The following CATSPERE variants were observed in gnomAD, a reference collection of about 807,000 sequenced individuals.
CATSPERE encodes the protein cation channel sperm-associated auxiliary subunit epsilon.
Under a neutral mutation model 114.1 loss-of-function variants are expected in CATSPERE, and 93 were observed. The ratio of observed to expected loss-of-function variants is 0.81; its 90% CI spans 0.69 to 0.97. The LOEUF is 0.97. Among genes scored for constraint, CATSPERE ranks in the 50% least tolerant of loss-of-function variants. The pLI is 0.00. For synonymous variants in CATSPERE, 341 were observed against 384.1 expected, an observed-to-expected ratio of 0.89 and a Z score of 1.31; for missense variants, 1,058 against 1,131.6, an observed-to-expected ratio of 0.93 and a Z score of 0.93.
chr1:244,462,275 G>A (rs970641646), intron 1 of CATSPERE, among the ~76,000 whole-genome samples: 2 of 152,092 alleles, frequency 1.3e-5, no homozygotes, highest in African/African-American at 4.8e-5. Flanking sequence ...ACACACCTAT[G>A]GGCCTCTTAG....
At chr1:244,593,724 T>C in intron 17 of CATSPERE, 146 bp downstream of exon 17, 1 of 697,048 alleles carries the variant, frequency 1.4e-6, no homozygotes, top group South Asian at 1.9e-5. Flanking sequence ...GTACTAGTTA[T>C]ACAAAGCTGG....
intron 10 of CATSPERE, among the ~76,000 whole-genome samples, chr1:244,569,013 TC>T (rs1449428916): frequency 6.6e-6 from 1 of 151,842 alleles, no homozygotes; most frequent in Non-Finnish European, 1.5e-5. Flanking sequence ...CCTGAGGGAG[TC>T]TCCTGGTCTG....
intron 12 of CATSPERE, among the ~76,000 whole-genome samples, chr1:244,582,586 G>A (rs1307766653): frequency 6.6e-6 from 1 of 151,886 alleles, no homozygotes; most frequent in Non-Finnish European, 1.5e-5. Context: ...ATTTTTAGTA[G>A]AGACATAGTT....
At chr1:244,456,158 C>T (rs1020434986) in intron 1 of CATSPERE, among the ~76,000 whole-genome samples, 5 of 137,820 alleles carry the variant, frequency 3.6e-5, no homozygotes, top group Admixed American at 1.6e-4. Flanking sequence ...CTTTGGGTTG[C>T]GTTGCAGTGA....
At chr1:244,551,807 G>GT (rs1442402789) in intron 8 of CATSPERE, among the ~76,000 whole-genome samples, 1 of 152,152 alleles carries the variant, frequency 6.6e-6, no homozygotes, top group Non-Finnish European at 1.5e-5. Context: ...GCTCACGCCT[G>GT]TAATCCCAGC....
intron 21 of CATSPERE, among the ~76,000 whole-genome samples, chr1:244,637,374 T>C (rs1159827860): frequency 1.3e-5 from 2 of 152,132 alleles, no homozygotes; most frequent in Non-Finnish European, 2.9e-5. Flanking sequence ...GCATCCAAAA[T>C]CGTGGCCTTA....
intron 9 of CATSPERE, 111 bp downstream of exon 9, chr1:244,552,925 G>C: frequency 1.9e-6 from 1 of 531,330 alleles, no homozygotes; most frequent in Non-Finnish European, 2.6e-6. Flanking sequence ...TCTTTGCCCA[G>C]TTGTTTTATC....
upstream of CATSPERE, chr1:244,451,619 G>T: frequency 4.4e-6 from 7 of 1,599,562 alleles, no homozygotes; most frequent in Non-Finnish European, 6.0e-6. The surrounding 1 kb of genome is among the most constrained non-coding windows in gnomAD (Gnocchi z 6.6). Flanking sequence ...TCCCATGAGA[G>T]GCCCCGTCGC....
chr1:244,491,055 G>C lies in CATSPERE; in HGVS notation c.351+584G>C, dbSNP rs1413405564. ...GATCAACGAGACAGAAAGTTAACAA[G>C]GATACCCAGGAATTGAACTCAGCTC... is the stretch of plus-strand genomic sequence containing the variant. On this transcript the variant is annotated intron_variant, in intron 6 of 21. Transcript: ENST00000366534. Among the ~76,000 whole-genome samples the C allele has an allele frequency of 2.0e-5, 3 of 152,010 alleles. No homozygotes were observed. In the East Asian group the frequency reaches 5.8e-4, roughly 29 times the overall value.
chr1:244,567,823 C>T (rs1469220269), intron 10 of CATSPERE, among the ~76,000 whole-genome samples: 1 of 152,018 alleles, frequency 6.6e-6, no homozygotes, highest in African/African-American at 2.4e-5. Flanking sequence ...TATTACTCCC[C>T]TCTGAAGCCT....
intron 8 of CATSPERE, among the ~76,000 whole-genome samples, chr1:244,539,520 A>G (rs374852018): frequency 7.9e-6 from 1 of 125,986 alleles, no homozygotes; most frequent in African/African-American, 2.8e-5. Context: ...CTCTTTTTCT[A>G]TTGATTGGAA....
chr1:244,629,742 C>G (rs1026963261), intron 20 of CATSPERE, among the ~76,000 whole-genome samples: 2 of 152,062 alleles, frequency 1.3e-5, no homozygotes, highest in African/African-American at 4.8e-5. Context: ...CAAGCTCAAG[C>G]AATTCTTGTG....
intron 5 of CATSPERE, among the ~76,000 whole-genome samples, chr1:244,484,223 T>G (rs1438521811): frequency 1.3e-5 from 2 of 152,200 alleles, no homozygotes; most frequent in African/African-American, 2.4e-5. Context: ...TAACAAGTGA[T>G]AGTAGAAGTA....
rs533009985 is a variant in CATSPERE at position 244,575,569 on chromosome 1, G to A, written c.1950+2797G>A. 2.4e-4 allele frequency among the ~76,000 whole-genome samples: 36 copies of A among 152,270 alleles called. 1 individual carries two copies. Among genetic ancestry groups the A allele is most frequent in the Admixed American group, 6.5e-4 (10 of 15,302 alleles). ...TGGCTCTAGCTGCATGGCTGGGTGC[G>A]AGGAGAGCATCCTAGCCACTGCCAC... On this transcript the variant is annotated intron_variant, in intron 11 of 21. Transcript: ENST00000366534. The surrounding 1 kb of genome is among the most constrained non-coding windows in gnomAD (Gnocchi z 4.5).
chr1:244,471,998 T>A (rs1474851873), intron 2 of CATSPERE, among the ~76,000 whole-genome samples: 4 of 152,202 alleles, frequency 2.6e-5, no homozygotes, highest in Non-Finnish European at 5.9e-5. Flanking sequence ...CTAACTCTGT[T>A]GCCTAGCGTG....
chr1:244,534,965 G>C (rs1236411861), intron 8 of CATSPERE, among the ~76,000 whole-genome samples: 1 of 151,666 alleles, frequency 6.6e-6, no homozygotes, highest in Middle Eastern at 3.2e-3. Flanking sequence ...TAAGTTTTTG[G>C]TCACTGCAGC....
chr1:244,490,568 TG>T (rs1671898021), intron 6 of CATSPERE, 97 bp downstream of exon 6: 1 of 806,308 alleles, frequency 1.2e-6, no homozygotes, highest in African/African-American at 1.7e-5. Flanking sequence ...ATTTTTCAAA[TG>T]AATTTTGCAA....
chr1:244,467,198 A>G (rs1338109523), intron 2 of CATSPERE, among the ~76,000 whole-genome samples: 1 of 152,162 alleles, frequency 6.6e-6, no homozygotes, highest in East Asian at 1.9e-4. Flanking sequence ...TTATAAATAA[A>G]TAAATATTTA....
intron 5 of CATSPERE, among the ~76,000 whole-genome samples, chr1:244,483,296 T>C (rs1670533608): frequency 6.6e-6 from 1 of 152,160 alleles, no homozygotes; most frequent in African/African-American, 2.4e-5. Flanking sequence ...GTTGGAGAAG[T>C]AGTACTGATT....
Sources: gnomAD v4.1 joint callset for allele counts (sites outside exome capture counted in the v4.1 genomes callset) on GRCh38, gnomAD v4.1.1 for gene constraint, Gnocchi (gnomAD v3.1) non-coding constraint, MANE v1.5 for transcripts, NCBI Gene and HGNC (gene_info 2026-07-23, HGNC 2026-07-21) for gene names.